PIK3CG: variants seen among roughly 807,000 people sequenced by gnomAD.
PIK3CG encodes the protein phosphatidylinositol-4,5-bisphosphate 3-kinase catalytic subunit gamma.
In PIK3CG, 55 loss-of-function variants were observed where a neutral mutation model predicts 102.3. That is an observed-to-expected ratio of 0.54 (90% CI 0.43 to 0.67). The LOEUF is 0.67. Ranked by LOEUF, PIK3CG falls within the 30% of genes least tolerant of loss-of-function variation. The pLI is 0.00. For synonymous variants in PIK3CG, 552 were observed against 540.0 expected, an observed-to-expected ratio of 1.02 and a Z score of -0.31; for missense variants, 1,258 against 1,391.8, an observed-to-expected ratio of 0.90 and a Z score of 1.53.
At chr7:106,886,103 T>C (rs1296073676) in intron 9 of PIK3CG, 32 bp from the exon 10 acceptor site, 2 of 1,598,788 alleles carry the variant, frequency 1.3e-6, no homozygotes, top group Non-Finnish European at 1.7e-6. Context: ...GCTGTGCCAC[T>C]GTAATGATGT....
At chr7:106,887,152 A>G (rs1477992465) in intron 10 of PIK3CG, among the ~76,000 whole-genome samples, 1 of 152,222 alleles carries the variant, frequency 6.6e-6, no homozygotes, top group East Asian at 1.9e-4. Flanking sequence ...AGTTTTGACT[A>G]TCAAATACTT....
rs533807470 is a variant in PIK3CG, at chr7:106,877,850, C to A, written c.2392-1669C>A. ...GTATACTTCCATTAACCCCCGCATC[C>A]TTTGCATTATTTTTATTATGATTTC... On this transcript the variant is annotated intron_variant, in intron 5 of 10. Coordinates refer to ENST00000496166, the MANE Select transcript of PIK3CG (RefSeq NM_001282426.2). The surrounding 1 kb of genome is among the most constrained non-coding windows in gnomAD (Gnocchi z 4.5). 6.6e-6 allele frequency among the ~76,000 whole-genome samples: 1 copy of A among 152,134 alleles called. No homozygotes were observed. The highest frequency in any genetic ancestry group is 1.5e-5 in the Non-Finnish European group (1 of 68,042).
In PIK3CG at chr7:106,905,168, G is replaced by A. The variant is rs2116617674; in HGVS notation, c.3090G>A (p.Leu1030=). ...LRHHTNLLII[L]FSMMLMTGMP... ...ATCACACAAACCTACTGATCATCCT[G>A]TTCTCCATGATGCTGATGACAGGAA... The change falls in exon 11 of 11, where the codon CTG becomes CTA. Residue 1030 remains leucine (L), a synonymous_variant. Coordinates refer to ENST00000496166, the MANE Select transcript of PIK3CG (RefSeq NM_001282426.2). This position sits in a 1 kb window ranked among gnomAD's most constrained non-coding sequence, Gnocchi z 5.6. 1 of 1,614,002 alleles carries A rather than the reference G, an allele frequency of 6.2e-7. No homozygotes were observed. Among genetic ancestry groups the A allele is most frequent in the Non-Finnish European group, 8.5e-7 (1 of 1,179,926 alleles).
In PIK3CG at chr7:106,894,059, T is replaced by C. The variant is rs1037600918; in HGVS notation, c.3030+7767T>C. ...ATGCAGTCCATGGTTGACCAAAACA[T>C]TGTTATGCAGTACATGACTGTATAT... is the stretch of plus-strand genomic sequence containing the variant. On this transcript the variant is annotated intron_variant, in intron 10 of 10. Transcript: ENST00000496166. The surrounding 1 kb of genome is among the most constrained non-coding windows in gnomAD (Gnocchi z 4.4). 6.6e-6 allele frequency among the ~76,000 whole-genome samples: 1 copy of C among 152,182 alleles called. No homozygotes were observed. Among genetic ancestry groups the C allele is most frequent in the Admixed American group, 6.5e-5 (1 of 15,272 alleles).
chr7:106,888,746 G>T (rs537249326), intron 10 of PIK3CG, among the ~76,000 whole-genome samples: 1 of 152,286 alleles, frequency 6.6e-6, no homozygotes, highest in East Asian at 1.9e-4. Context: ...ATCTGTGCAC[G>T]TTGAGCCTTA....
rs1159659822 is a variant in PIK3CG at position 106,894,991 on chromosome 7, T to A, written c.3030+8699T>A. 6.6e-6 allele frequency among the ~76,000 whole-genome samples: 1 copy of A among 152,218 alleles called. No individual in the cohort carries two copies. The highest frequency in any genetic ancestry group is 1.5e-5 in the Non-Finnish European group (1 of 68,042). The stretch of plus-strand genomic sequence containing the variant: ...TTGTAAAAACAATTCTTTCTGTTAG[T>A]ACTAGATGCTATAATTAAGGCATTT... On this transcript the variant is annotated intron_variant, in intron 10 of 10. Coordinates refer to ENST00000496166, the MANE Select transcript of PIK3CG (RefSeq NM_001282426.2). The surrounding 1 kb of genome is among the most constrained non-coding windows in gnomAD (Gnocchi z 4.4).
rs1432154378 is a variant in PIK3CG at position 106,869,230 on chromosome 7, G to A, written c.1669G>A (p.Ala557Thr). ...MPNQLRKQLEAIIATDPLNPL... is the reference protein window; with the variant it reads ...MPNQLRKQLETIIATDPLNPL... ...CAACCAGCTTCGCAAGCAATTGGAG[G>A]CGATCATAGCCACTGATCCACTTAA... is the stretch of plus-strand genomic sequence containing the variant. Residue 557 changes from alanine (A) to threonine (T), a missense_variant, in exon 2 of 11, where the codon GCG (alanine) becomes ACG (threonine). Transcript: ENST00000496166. The surrounding 1 kb of genome is among the most constrained non-coding windows in gnomAD (Gnocchi z 5.3). 1 of 1,614,214 alleles carries A rather than the reference G, an allele frequency of 6.2e-7. No individual in the cohort carries two copies. The highest frequency in any genetic ancestry group is 8.5e-7 in the Non-Finnish European group (1 of 1,180,038).
rs2116440660 is a variant in PIK3CG, at chr7:106,868,440, G to A, written c.879G>A (p.Val293=). ...CGCCCATCAAAAACTTCCAGTGGGTGAGGCACTGCCTCAAGAACGGAGAAG... is the reference window on the plus strand; with the variant it reads ...CGCCCATCAAAAACTTCCAGTGGGTAAGGCACTGCCTCAAGAACGGAGAAG... The part of the protein sequence containing the change: ...GETPIKNFQW[V]RHCLKNGEEI... The change falls in exon 2 of 11, where the codon GTG becomes GTA. Residue 293 remains valine (V), a synonymous_variant. Transcript: ENST00000496166. This position sits in a 1 kb window ranked among gnomAD's most constrained non-coding sequence, Gnocchi z 6.2. 6.2e-7 allele frequency: 1 copy of A among 1,614,220 alleles called. No individual in the cohort carries two copies. The highest frequency in any genetic ancestry group is 8.5e-7 in the Non-Finnish European group (1 of 1,180,040).
In PIK3CG at chr7:106,882,124, G is replaced by A. The variant is rs746783339; in HGVS notation, c.2546G>A (p.Arg849Gln). 15 of 1,475,972 alleles carry A rather than the reference G, an allele frequency of 1.0e-5. No homozygotes were observed. The highest frequency in any genetic ancestry group is 4.3e-5 in the Admixed American group (2 of 46,982). 91.4% of individuals were successfully genotyped at this position (1,475,972 alleles called of 1,614,324 possible). Reference protein sequence around the residue: ...RQDMLILQILRIMESIWETES... With the variant: ...RQDMLILQILQIMESIWETES... The stretch of plus-strand genomic sequence containing the variant: ...CTGTGTTTCGATGCCCAGATTCTAC[G>A]AATCATGGAGTCTATTTGGGAGACT... Residue 849 changes from arginine to glutamine, a missense_variant, in exon 7 of 11, where the codon CGA becomes CAA. This residue lies in a region of PIK3CG where 426 missense variants were observed against 604.2 expected (regional missense o/e 0.71). Transcript: ENST00000496166.
chr7:106,887,926 G>A (rs1011704814), intron 10 of PIK3CG, among the ~76,000 whole-genome samples: 2 of 138,414 alleles, frequency 1.4e-5, no homozygotes, highest in Admixed American at 1.5e-4. Flanking sequence ...CCTCATTGAC[G>A]ACTCTCCTTT....
Position 106,874,623 on chromosome 7 carries a change from G to T in PIK3CG, c.2288-77G>T, listed in dbSNP as rs1790657635. The T allele has an allele frequency of 1.0e-6, 1 of 978,680 alleles. No individual in the cohort carries two copies. Among genetic ancestry groups the T allele is most frequent in the Admixed American group, 1.9e-5 (1 of 52,882 alleles). The allele number at this position is 978,680 out of a possible 1,614,324, so 60.6% of individuals were successfully genotyped here. A position where few individuals can be genotyped will look rare whatever the true frequency, so the allele number is the denominator to read the frequency against. On this transcript the variant is annotated intron_variant, in intron 4 of 10. Transcript: ENST00000496166. This position sits in a 1 kb window ranked among gnomAD's most constrained non-coding sequence, Gnocchi z 4.3. ...TATATAGAATGCTATGAATAAATGTGTTCTCAGGAAATGTAATAGATAATA... is the reference window on the plus strand; with the variant it reads ...TATATAGAATGCTATGAATAAATGTTTTCTCAGGAAATGTAATAGATAATA...
rs1790586345 is a variant in PIK3CG, at chr7:106,872,880, A to G, written c.2229A>G (p.Gln743=). 1.2e-6 allele frequency: 2 copies of G among 1,614,212 alleles called. No homozygotes were observed. The highest frequency in any genetic ancestry group is 1.7e-6 in the Non-Finnish European group (2 of 1,180,032). Residue 743 remains glutamine, a synonymous_variant, in exon 4 of 11, where the codon CAA becomes CAG. Coordinates refer to ENST00000496166, the MANE Select transcript of PIK3CG (RefSeq NM_001282426.2). This position sits in a 1 kb window ranked among gnomAD's most constrained non-coding sequence, Gnocchi z 5.3. ...TQQVQVIEML[Q]KVTLDIKSLS... Reference sequence around the variant, plus strand: ...AAGTCCAAGTAATCGAGATGTTACAAAAAGTCACCCTTGATATTAAATCGC... The same window carrying G: ...AAGTCCAAGTAATCGAGATGTTACAGAAAGTCACCCTTGATATTAAATCGC...
Position 106,883,288 on chromosome 7 carries a change from T to TA in PIK3CG, c.2760+126dup. 1 of 995,156 alleles carries TA rather than the reference T, an allele frequency of 1.0e-6. No individual in the cohort carries two copies. The highest frequency in any genetic ancestry group is 1.5e-6 in the Non-Finnish European group (1 of 663,670). 61.6% of individuals were successfully genotyped at this position (995,156 alleles called of 1,614,324 possible). On this transcript the variant is annotated intron_variant, in intron 8 of 10. Transcript: ENST00000496166. This position sits in a 1 kb window ranked among gnomAD's most constrained non-coding sequence, Gnocchi z 5.8. Reference sequence around the variant, plus strand: ...CTCCTGACATATTAGTGAAGTTTTTTACTTGTGAAATAATGGAGGTTTTAA... The same window carrying TA: ...CTCCTGACATATTAGTGAAGTTTTTTAACTTGTGAAATAATGGAGGTTTTAA...
Position 106,869,391 on chromosome 7 carries a change from G to C in PIK3CG, c.1830G>C (p.Leu610Phe). The stretch of plus-strand genomic sequence containing the variant: ...AAATTGTGGCCAAAACATACCAATT[G>C]TTGGCCAGAAGGGAAGTCTGGGATC... ...QQEIVAKTYQ[L>F]LARREVWDQS... The change falls in exon 2 of 11, where the codon TTG becomes TTC. Residue 610 changes from leucine to phenylalanine, a missense_variant. Around this residue, in one of 2 missense-constraint regions of PIK3CG, gnomAD observed 426 missense variants for 604.2 expected, o/e 0.71. Coordinates refer to ENST00000496166, the MANE Select transcript of PIK3CG (RefSeq NM_001282426.2). The surrounding 1 kb of genome is among the most constrained non-coding windows in gnomAD (Gnocchi z 5.3). 1 of 1,614,254 alleles carries C rather than the reference G, an allele frequency of 6.2e-7. No homozygotes were observed. Among genetic ancestry groups the C allele is most frequent in the African/African-American group, 1.3e-5 (1 of 75,070 alleles).
At position 106,868,297 on chromosome 7, in the gene PIK3CG, CA is replaced by C. The variant is rs1408746050; in HGVS notation, c.737del (p.Gln246ArgfsTer13). On this transcript the variant is annotated frameshift_variant, in exon 2 of 11. Transcript: ENST00000496166. LOFTEE classifies it high-confidence loss of function. This position sits in a 1 kb window ranked among gnomAD's most constrained non-coding sequence, Gnocchi z 6.2. The stretch of plus-strand genomic sequence containing the variant: ...CGACGACACCCCCGGCGCCATCCTG[CA>C]GAGCTTCTTCACCAAGATGGCCAAG... ...SPDDTPGAIL[Q>X]SFFTKMAKKK... is the part of the protein sequence containing the mutation. 6.2e-7 allele frequency: 1 copy of C among 1,614,040 alleles called. No homozygotes were observed. The highest frequency in any genetic ancestry group is 1.3e-5 in the African/African-American group (1 of 74,924).
intron 10 of PIK3CG, among the ~76,000 whole-genome samples, chr7:106,889,771 C>T (rs1015471756): frequency 2.0e-5 from 3 of 152,222 alleles, no homozygotes. Context: ...TCCCACCTCT[C>T]TGCTTCCCAA....
Position 106,883,100 on chromosome 7 carries a change from G to A in PIK3CG, c.2697G>A (p.Thr899=), listed in dbSNP as rs1180238527. ...TTCAGCAAAGCACAGTGGGCAACAC[G>A]GGAGCATTTAAAGATGAAGTCCTGA... is the stretch of plus-strand genomic sequence containing the variant. The part of the protein sequence containing the change: ...AKIQQSTVGN[T]GAFKDEVLNH... The change falls in exon 8 of 11, where the codon ACG becomes ACA. Residue 899 remains threonine (T), a synonymous_variant. Coordinates refer to ENST00000496166, the MANE Select transcript of PIK3CG (RefSeq NM_001282426.2). The surrounding 1 kb of genome is among the most constrained non-coding windows in gnomAD (Gnocchi z 5.8). The A allele has an allele frequency of 5.0e-6, 8 of 1,613,968 alleles. No homozygotes were observed. Among genetic ancestry groups the A allele is most frequent in the East Asian group, 2.2e-5 (1 of 44,872 alleles).
Position 106,868,644 on chromosome 7 carries a change from C to A in PIK3CG, c.1083C>A (p.Phe361Leu), listed in dbSNP as rs746626966. 6.2e-7 allele frequency: 1 copy of A among 1,614,196 alleles called. No homozygotes were observed. Among genetic ancestry groups the A allele is most frequent in the Non-Finnish European group, 8.5e-7 (1 of 1,180,034 alleles). ...TVSLWDCDRK[F>L]RVKIRGIDIP... is the part of the protein sequence containing the mutation. ...CCCTGTGGGACTGCGACCGCAAGTT[C>A]AGGGTCAAGATCAGAGGCATTGATA... Residue 361 changes from phenylalanine to leucine, a missense_variant, in exon 2 of 11, where the codon TTC becomes TTA. By Grantham distance (22) the Phe-to-Leu change is conservative. Transcript: ENST00000496166. The surrounding 1 kb of genome is among the most constrained non-coding windows in gnomAD (Gnocchi z 6.2).
intron 10 of PIK3CG, 104 bp downstream of exon 10, chr7:106,886,396 C>A: frequency 9.0e-7 from 1 of 1,108,406 alleles, no homozygotes; most frequent in Non-Finnish European, 1.3e-6. Context: ...GCCAGTCCAG[C>A]CTCTACCCCT....
Sources: allele counts gnomAD v4.1 joint callset (sites outside exome capture counted in the v4.1 genomes callset), GRCh38; gene constraint gnomAD v4.1.1; regional missense constraint gnomAD v4.1.1; non-coding constraint Gnocchi (gnomAD v3.1); transcripts MANE v1.5; gene names NCBI Gene and HGNC (gene_info 2026-07-23, HGNC 2026-07-21).